SMC1B: variants seen among roughly 807,000 people sequenced by gnomAD.
SMC1B encodes structural maintenance of chromosomes protein 1B.
In SMC1B, 60 loss-of-function variants were observed where a neutral mutation model predicts 157.9. That is an observed-to-expected ratio of 0.38 (90% CI 0.31 to 0.47). The LOEUF is 0.47. Among genes scored for constraint, SMC1B ranks in the 20% least tolerant of loss-of-function variants. The pLI is 0.99. For missense variants in SMC1B, 1,165 were observed against 1,426.2 expected (o/e 0.82, Z 2.95); for synonymous variants, 445 against 483.0 (o/e 0.92, Z 1.03).
At chr22:45,344,798 T>A (rs749699862) in intron 24 of SMC1B, 141 bp from the exon 25 acceptor site, 48 of 535,218 alleles carry the variant, frequency 9.0e-5, no homozygotes, top group Non-Finnish European at 1.4e-4. Context: ...ATATTGGTTG[T>A]GGGTTTTTTT....
intron 9 of SMC1B, 36 bp downstream of exon 9, chr22:45,393,597 GT>G (rs762038470): frequency 1.4e-5 from 21 of 1,498,980 alleles, no homozygotes; most frequent in East Asian, 6.8e-5. Flanking sequence ...GGAAAGCTTA[GT>G]TTTTTTTGTT....
intron 23 of SMC1B, among the ~76,000 whole-genome samples, chr22:45,347,361 G>A (rs12160956): frequency 0.47 from 70,986 of 152,110 alleles, 19,529 homozygotes; most frequent in African/African-American, 0.77. Context: ...GGGCCTTCAA[G>A]AGATTTTCTC....
rs578091636 is a variant in SMC1B at position 45,397,827 on chromosome 22, C to T, written c.1113+1268G>A. 1.1e-4 allele frequency among the ~76,000 whole-genome samples: 16 copies of T among 152,180 alleles called. No homozygotes were observed. The South Asian group carries it at 3.1e-3, about 30-fold the overall frequency. On this transcript the variant is annotated intron_variant, in intron 6 of 24. Coordinates refer to ENST00000357450, the MANE Select transcript of SMC1B (RefSeq NM_148674.5). Reference sequence around the variant, plus strand: ...ACTTCAGGTAGTGGATGACCTCTTGCATCCCCTCTCTGCTGAGAGCTGTTT... The same window carrying T: ...ACTTCAGGTAGTGGATGACCTCTTGTATCCCCTCTCTGCTGAGAGCTGTTT...
intron 24 of SMC1B, 49 bp from the exon 25 acceptor site, chr22:45,344,706 T>C: frequency 7.5e-7 from 1 of 1,333,792 alleles, no homozygotes; most frequent in South Asian, 1.2e-5. Context: ...AGGGAAAAAG[T>C]ATTATTAAAG....
At chr22:45,349,880 GAATA>G (rs915270714) in intron 22 of SMC1B, 83 bp from the exon 23 acceptor site, 9 of 1,085,484 alleles carry the variant, frequency 8.3e-6, no homozygotes, top group African/African-American at 1.6e-5. Flanking sequence ...ACAGTATTCA[GAATA>G]AATAAAACAC....
intron 22 of SMC1B, among the ~76,000 whole-genome samples, chr22:45,351,254 G>A (rs1410722958): frequency 6.6e-5 from 10 of 151,684 alleles, no homozygotes; most frequent in Admixed American, 4.6e-4. Context: ...AAGTATCTTC[G>A]AGGCAGGCAT....
intron 21 of SMC1B, among the ~76,000 whole-genome samples, chr22:45,353,217 G>A (rs1165910170): frequency 7.0e-6 from 1 of 143,108 alleles, no homozygotes; most frequent in Non-Finnish European, 1.5e-5. Flanking sequence ...AGCCGAGATC[G>A]CACCACTGCA....
Position 45,410,503 on chromosome 22 carries a change from G to C in SMC1B, c.110-1605C>G, listed in dbSNP as rs185987392. ...AGATCACCCGAGGTCAGGGGTTCGAGACCAGCCTGACCAACATGGTGAAAC... is the reference window on the plus strand; with the variant it reads ...AGATCACCCGAGGTCAGGGGTTCGACACCAGCCTGACCAACATGGTGAAAC... On this transcript the variant is annotated intron_variant, in intron 1 of 24. Coordinates refer to ENST00000357450, the MANE Select transcript of SMC1B (RefSeq NM_148674.5). 1.3e-3 allele frequency among the ~76,000 whole-genome samples: 193 copies of C among 152,246 alleles called. 1 individual carries two copies. Among genetic ancestry groups the C allele is most frequent in the African/African-American group, 4.2e-3 (176 of 41,540 alleles).
intron 21 of SMC1B, among the ~76,000 whole-genome samples, chr22:45,353,525 T>C (rs1468547500): frequency 6.6e-6 from 1 of 152,100 alleles, no homozygotes; most frequent in Non-Finnish European, 1.5e-5. Flanking sequence ...AAAAGGGTCA[T>C]ATCTGAATTT....
At chr22:45,390,859 T>A (rs9614657) in intron 9 of SMC1B, among the ~76,000 whole-genome samples, 3 of 152,056 alleles carry the variant, frequency 2.0e-5, no homozygotes, top group African/African-American at 4.8e-5. Flanking sequence ...TCTAGAATAT[T>A]TGAAGGTTTA....
Position 45,386,979 on chromosome 22 carries a change from GTCTT to G in SMC1B, c.1795_1798del (p.Lys599LeufsTer6). 6.2e-7 allele frequency: 1 copy of G among 1,613,892 alleles called. No homozygotes were observed. The highest frequency in any genetic ancestry group is 1.1e-5 in the South Asian group (1 of 91,082). The stretch of plus-strand genomic sequence containing the variant: ...CACTTTCTTCAGCTGAGGAAACTGA[GTCTT>G]TATGACATCAATCACCATTTTACAG... On this transcript the variant is annotated frameshift_variant, in exon 11 of 25. Transcript: ENST00000357450. LOFTEE classifies it high-confidence loss of function.
Position 45,371,404 on chromosome 22 carries a change from A to G in SMC1B, c.2313+67T>C, listed in dbSNP as rs2086829681. 3 of 1,448,236 alleles carry G rather than the reference A, an allele frequency of 2.1e-6. No individual in the cohort carries two copies. The East Asian group carries it at 8.2e-5, about 40-fold the overall frequency. 89.7% of individuals were successfully genotyped at this position (1,448,236 alleles called of 1,614,324 possible). The stretch of plus-strand genomic sequence containing the variant: ...CCTTTGCTTTAGCATATATTTAAGA[A>G]GCCCTAAATCTAGTATCTGGTCTAG... On this transcript the variant is annotated intron_variant, in intron 14 of 24. Coordinates refer to ENST00000357450, the MANE Select transcript of SMC1B (RefSeq NM_148674.5).
Position 45,393,517 on chromosome 22 carries a change from A to C in SMC1B, c.1545+117T>G, listed in dbSNP as rs948264110. 7 of 771,848 alleles carry C rather than the reference A, an allele frequency of 9.1e-6. No homozygotes were observed. The African/African-American group carries it at 1.2e-4, about 13-fold the overall frequency. 47.8% of individuals were successfully genotyped at this position (771,848 alleles called of 1,614,324 possible). On this transcript the variant is annotated intron_variant, in intron 9 of 24. Transcript: ENST00000357450. ...CAAACACAAAACTTAAAGATGTCTG[A>C]AATAATATTGCTTTGTAATAATGGT...
Position 45,402,575 on chromosome 22 carries a change from TAA to T in SMC1B, c.616-6_616-5del. On this transcript the variant is annotated splice_region_variant and splice_polypyrimidine_tract_variant and intron_variant, in intron 4 of 24. Transcript: ENST00000357450. ...GGAGACTCTGGTAACGTTCTGCCTA[TAA>T]AAGAGTATAATTCAACAGCAGTTAA... The T allele has an allele frequency of 6.2e-7, 1 of 1,601,126 alleles. No homozygotes were observed. The highest frequency in any genetic ancestry group is 8.5e-7 in the Non-Finnish European group (1 of 1,170,598).
Position 45,350,243 on chromosome 22 carries a change from T to A in SMC1B, c.3426-446A>T, listed in dbSNP as rs535072678. Among the ~76,000 whole-genome samples the A allele has an allele frequency of 1.8e-4, 26 of 148,418 alleles. 1 individual carries two copies. In the South Asian group the frequency reaches 2.8e-3, roughly 16 times the overall value. On this transcript the variant is annotated intron_variant, in intron 22 of 24. Coordinates refer to ENST00000357450, the MANE Select transcript of SMC1B (RefSeq NM_148674.5). The stretch of plus-strand genomic sequence containing the variant: ...CCCTCTTACCAATAATTCTAACCTG[T>A]CTCCTGAGTTCTTTTTTTTTTTTTT...
chr22:45,378,660 CAAACT>C (rs758114297), intron 12 of SMC1B, among the ~76,000 whole-genome samples: 66 of 152,096 alleles, frequency 4.3e-4, no homozygotes, highest in Middle Eastern at 3.4e-3. Flanking sequence ...CTAATTCAAC[CAAACT>C]AAACACTTAA....
At chr22:45,387,363 T>C (rs2087000494) in intron 10 of SMC1B, among the ~76,000 whole-genome samples, 1 of 152,092 alleles carries the variant, frequency 6.6e-6, no homozygotes, top group Non-Finnish European at 1.5e-5. Flanking sequence ...GGCAGGAGAC[T>C]CGCTTGAACT....
intron 21 of SMC1B, among the ~76,000 whole-genome samples, 171 bp downstream of exon 21, chr22:45,353,807 G>A (rs922846213): frequency 2.1e-5 from 3 of 143,540 alleles, no homozygotes; most frequent in Non-Finnish European, 4.5e-5. Context: ...GATCTACAAC[G>A]CAGGTCATTA....
Position 45,354,940 on chromosome 22 carries a change from T to C in SMC1B, c.3118+19A>G. ...ACACCCATGAATATAATCTTGTTAG[T>C]GACTACACTCAATTTTACCATCTGT... On this transcript the variant is annotated intron_variant, in intron 20 of 24. Transcript: ENST00000357450. 2 of 1,611,886 alleles carry C rather than the reference T, an allele frequency of 1.2e-6. No individual in the cohort carries two copies. The highest frequency in any genetic ancestry group is 8.5e-7 in the Non-Finnish European group (1 of 1,178,050).
Sources: allele counts gnomAD v4.1 joint callset (sites outside exome capture counted in the v4.1 genomes callset), GRCh38; gene constraint gnomAD v4.1.1; transcripts MANE v1.5; gene names NCBI Gene and HGNC (gene_info 2026-07-23, HGNC 2026-07-21).